Variants in AHI1 observed in about 807,000 individuals in gnomAD.
AHI1 encodes jouberin.
AHI1 carries 123 observed loss-of-function variants against 149.3 expected under a neutral mutation model. The observed-to-expected ratio is 0.82, with a 90% confidence interval of 0.71 to 0.96. The LOEUF is 0.96. Ranked by LOEUF, AHI1 falls within the 40% of genes least tolerant of loss-of-function variation. The pLI is 0.00. For missense variants in AHI1, 1,439 were observed against 1,422.7 expected (o/e 1.01, Z -0.18); for synonymous variants, 475 against 459.8 (o/e 1.03, Z -0.42).
At chr6:135,487,430 C>T (rs1441769525) in intron 5 of AHI1, among the ~76,000 whole-genome samples, 1 of 152,092 alleles carries the variant, frequency 6.6e-6, no homozygotes, top group African/African-American at 2.4e-5. Context: ...AATGTAAAAT[C>T]TTCAGGAATT....
intron 5 of AHI1, among the ~76,000 whole-genome samples, chr6:135,475,742 C>G (rs977441493): frequency 6.6e-6 from 1 of 152,176 alleles, no homozygotes. Context: ...AAGCTTGCAC[C>G]TGGTTTCTCC....
chr6:135,444,442 T>G (rs1366325700), intron 13 of AHI1, among the ~76,000 whole-genome samples: 1 of 152,194 alleles, frequency 6.6e-6, no homozygotes, highest in Non-Finnish European at 1.5e-5. Context: ...GCTAAGCTTT[T>G]GAGTGCCTAA....
intron 5 of AHI1, among the ~76,000 whole-genome samples, chr6:135,477,611 T>C (rs758837498): frequency 3.3e-5 from 5 of 151,924 alleles, no homozygotes; most frequent in Non-Finnish European, 2.9e-5. Flanking sequence ...CGTGATGGAG[T>C]TCTTGCAAGA....
chr6:135,288,102 C>T (rs1781908657), intron 28 of AHI1, among the ~76,000 whole-genome samples: 2 of 151,880 alleles, frequency 1.3e-5, no homozygotes, highest in African/African-American at 4.8e-5. Context: ...CTCAAAAAAA[C>T]AAAAACAAAA....
rs1362874875 is a variant in AHI1, at chr6:135,358,117, AAC to A, written c.3165+13_3165+14del. 4 of 1,609,106 alleles carry A rather than the reference AAC, an allele frequency of 2.5e-6. No individual in the cohort carries two copies. The highest frequency in any genetic ancestry group is 3.4e-6 in the Non-Finnish European group (4 of 1,176,596). On this transcript the variant is annotated intron_variant, in intron 24 of 28. Coordinates refer to ENST00000265602, the MANE Select transcript of AHI1 (RefSeq NM_001134831.2). ...TTCTTAACACTTTTAACAACGTAGCAACAGACTGTCTTACCGTTGGTGCTGTA... is the reference window on the plus strand; with the variant it reads ...TTCTTAACACTTTTAACAACGTAGCAAGACTGTCTTACCGTTGGTGCTGTA...
intron 23 of AHI1, among the ~76,000 whole-genome samples, chr6:135,364,157 G>C (rs904070661): frequency 6.6e-6 from 1 of 151,124 alleles, no homozygotes; most frequent in Admixed American, 6.6e-5. Context: ...TGGGCGGAGG[G>C]GCTCCTCACT....
chr6:135,456,377 C>G (rs1242557324), intron 9 of AHI1, among the ~76,000 whole-genome samples: 1 of 151,750 alleles, frequency 6.6e-6, no homozygotes, highest in Non-Finnish European at 1.5e-5. Context: ...CTCGTTTCTA[C>G]AAAAAATAGA....
At chr6:135,294,030 T>A (rs879280073) in intron 27 of AHI1, among the ~76,000 whole-genome samples, 1 of 152,020 alleles carries the variant, frequency 6.6e-6, no homozygotes, top group Non-Finnish European at 1.5e-5. Context: ...GACAGAGGAA[T>A]AGAAAAATAA....
rs546286601 is a variant in AHI1, at chr6:135,364,764, C to T, written c.3110-6577G>A. On this transcript the variant is annotated intron_variant, in intron 23 of 28. Coordinates refer to ENST00000265602, the MANE Select transcript of AHI1 (RefSeq NM_001134831.2). ...AAAACCAGTCAGGCGTGGCGGCGCA[C>T]GCCTGCAATCGCAGGCACTCGGCAA... Among the ~76,000 whole-genome samples the T allele has an allele frequency of 9.2e-5, 14 of 152,376 alleles. No homozygotes were observed. In the South Asian group the frequency reaches 2.3e-3, roughly 25 times the overall value.
intron 24 of AHI1, among the ~76,000 whole-genome samples, chr6:135,356,669 T>A (rs928394803): frequency 2.0e-5 from 3 of 152,206 alleles, no homozygotes; most frequent in Non-Finnish European, 4.4e-5. Flanking sequence ...CATTCTTTAA[T>A]TTTTTAATAC....
At chr6:135,374,618 G>A (rs557885779) in intron 23 of AHI1, among the ~76,000 whole-genome samples, 7 of 152,052 alleles carry the variant, frequency 4.6e-5, no homozygotes, top group South Asian at 2.1e-4. Flanking sequence ...ATATACAAAC[G>A]TCAATTTCTC....
rs1461139597 is a variant in AHI1, at chr6:135,377,500, A to T, written c.3109+17276T>A. On this transcript the variant is annotated intron_variant, in intron 23 of 28. Coordinates refer to ENST00000265602, the MANE Select transcript of AHI1 (RefSeq NM_001134831.2). ...TTATTTATTTATTTATTTATTTATG[A>T]TACAGGGTCTTGCTTGGTTGCCCAG... 2.3e-5 allele frequency among the ~76,000 whole-genome samples: 3 copies of T among 132,304 alleles called. No individual in the cohort carries two copies. The East Asian group carries it at 6.3e-4, about 28-fold the overall frequency. The allele number at this position is 132,304 out of a possible 152,430, so 86.8% of individuals were successfully genotyped here.
rs1789577504 is a variant in AHI1, at chr6:135,337,517, G to C, written c.3166-14193C>G. Among the ~76,000 whole-genome samples the C allele has an allele frequency of 2.0e-5, 3 of 152,080 alleles. No homozygotes were observed. The South Asian group carries it at 6.2e-4, about 32-fold the overall frequency. ...CTCATGCCTGTAATCTCAGCACTTTGGGAGGTCAAGGAGGGAGGATCACCT... is the reference window on the plus strand; with the variant it reads ...CTCATGCCTGTAATCTCAGCACTTTCGGAGGTCAAGGAGGGAGGATCACCT... On this transcript the variant is annotated intron_variant, in intron 24 of 28. Coordinates refer to ENST00000265602, the MANE Select transcript of AHI1 (RefSeq NM_001134831.2).
intron 15 of AHI1, among the ~76,000 whole-genome samples, chr6:135,434,710 A>G (rs913261573): frequency 3.9e-5 from 6 of 152,110 alleles, no homozygotes; most frequent in Non-Finnish European, 7.4e-5. Context: ...TTGGGGAAAA[A>G]AAATCAGACC....
chr6:135,381,338 C>G (rs1365087295), intron 23 of AHI1, among the ~76,000 whole-genome samples: 1 of 152,048 alleles, frequency 6.6e-6, no homozygotes, highest in Non-Finnish European at 1.5e-5. Context: ...AAAAAAGTGG[C>G]AAGTATACAC....
intron 23 of AHI1, among the ~76,000 whole-genome samples, chr6:135,391,425 C>T (rs995570366): frequency 1.3e-5 from 2 of 152,156 alleles, no homozygotes; most frequent in African/African-American, 2.4e-5. Flanking sequence ...TAGATCCCTA[C>T]GTGTGCCGTT....
intron 26 of AHI1, among the ~76,000 whole-genome samples, chr6:135,317,365 T>C (rs1435507455): frequency 6.6e-6 from 1 of 151,454 alleles, no homozygotes; most frequent in Non-Finnish European, 1.5e-5. Context: ...TTAGAACTTA[T>C]GCCCAGACAT....
intron 5 of AHI1, among the ~76,000 whole-genome samples, chr6:135,472,648 T>C (rs1183953842): frequency 6.6e-6 from 1 of 152,228 alleles, no homozygotes. Flanking sequence ...ACCATCCTTG[T>C]TTGCACTTAA....
chr6:135,324,187 C>T (rs990310208), intron 24 of AHI1, among the ~76,000 whole-genome samples: 19 of 152,056 alleles, frequency 1.2e-4, no homozygotes, highest in African/African-American at 4.3e-4. Flanking sequence ...AATTAGTTGG[C>T]TGTGGTAGTG....
Sources: gnomAD v4.1 joint callset for allele counts (sites outside exome capture counted in the v4.1 genomes callset) on GRCh38, gnomAD v4.1.1 for gene constraint, MANE v1.5 for transcripts, NCBI Gene and HGNC (gene_info 2026-07-23, HGNC 2026-07-21) for gene names.